ADK: variants seen among roughly 807,000 people sequenced by gnomAD.
ADK encodes the protein N6,N6-dimethyladenosine kinase.
ADK carries 24 observed loss-of-function variants against 44.7 expected under a neutral mutation model. That is an observed-to-expected ratio of 0.54 (90% CI 0.39 to 0.76). The LOEUF (loss-of-function observed/expected upper bound fraction) is 0.76. ADK is among the 30% of genes least tolerant of loss of function. The pLI, the probability that ADK is intolerant of heterozygous loss-of-function variation, is 0.00. For synonymous variants in ADK, 128 were observed against 142.6 expected, an observed-to-expected ratio of 0.90 and a Z score of 0.73; for missense variants, 321 against 425.1, an observed-to-expected ratio of 0.76 and a Z score of 2.15.
chr10:74,374,935 A>T (rs774222702), intron 4 of ADK, among the ~76,000 whole-genome samples: 12 of 151,970 alleles, frequency 7.9e-5, no homozygotes, highest in Non-Finnish European at 1.3e-4. Context: ...CACTCCTCGT[A>T]TGTTGTTTTC....
chr10:74,270,847 C>T (rs932158769), intron 3 of ADK, among the ~76,000 whole-genome samples: 7 of 152,148 alleles, frequency 4.6e-5, no homozygotes, highest in Non-Finnish European at 8.8e-5. Context: ...GCTTAAGGCC[C>T]TTTAAATCCA....
chr10:74,480,315 A>C (rs1251597191), intron 6 of ADK, among the ~76,000 whole-genome samples: 2 of 150,634 alleles, frequency 1.3e-5, no homozygotes, highest in African/African-American at 4.9e-5. Context: ...TACAGCCTTG[A>C]TCTCCTCAGC....
intron 6 of ADK, among the ~76,000 whole-genome samples, chr10:74,521,248 A>G (rs1848821841): frequency 2.0e-5 from 3 of 152,212 alleles, no homozygotes. Flanking sequence ...TCATTCAAAA[A>G]TAGAATTTAA....
At chr10:74,431,465 G>A (rs1453519972) in intron 6 of ADK, among the ~76,000 whole-genome samples, 1 of 152,200 alleles carries the variant, frequency 6.6e-6, no homozygotes, top group Non-Finnish European at 1.5e-5. Flanking sequence ...CTGAGGCCGG[G>A]CATGGTGGCT....
chr10:74,311,447 T>C (rs1840429474), intron 3 of ADK, among the ~76,000 whole-genome samples: 1 of 152,152 alleles, frequency 6.6e-6, no homozygotes, highest in Admixed American at 6.5e-5. Flanking sequence ...AGAACAAGGC[T>C]AAATTTGCCC....
intron 9 of ADK, among the ~76,000 whole-genome samples, chr10:74,640,852 A>G (rs1175821319): frequency 6.6e-6 from 1 of 152,258 alleles, no homozygotes; most frequent in Non-Finnish European, 1.5e-5. Flanking sequence ...TCATATTAAG[A>G]GAATTATTTG....
intron 6 of ADK, among the ~76,000 whole-genome samples, chr10:74,475,969 G>A (rs1162945650): frequency 1.3e-5 from 2 of 152,104 alleles, no homozygotes; most frequent in African/African-American, 4.8e-5. Flanking sequence ...GCTAACTCAT[G>A]TATACATAGA....
intron 6 of ADK, among the ~76,000 whole-genome samples, chr10:74,440,725 C>T (rs1845376534): frequency 6.6e-6 from 1 of 152,040 alleles, no homozygotes; most frequent in South Asian, 2.1e-4. Flanking sequence ...TCAAATGGCC[C>T]TACCAATTCA....
intron 1 of ADK, among the ~76,000 whole-genome samples, chr10:74,198,645 G>A (rs909191079): frequency 2.6e-5 from 4 of 152,168 alleles, no homozygotes; most frequent in Non-Finnish European, 4.4e-5. Context: ...GGATAAACTA[G>A]ATGAATGTCT....
intron 9 of ADK, chr10:74,656,132 G>T: frequency 3.0e-6 from 1 of 338,118 alleles, no homozygotes. Flanking sequence ...ACAAACACTG[G>T]TAAAATGATC....
intron 7 of ADK, among the ~76,000 whole-genome samples, chr10:74,526,459 G>A (rs528783068): frequency 1.3e-5 from 2 of 152,224 alleles, no homozygotes; most frequent in South Asian, 2.1e-4. Context: ...TCACTTGATG[G>A]TTTAATGTAT....
At chr10:74,346,345 C>T (rs1168109404) in intron 4 of ADK, among the ~76,000 whole-genome samples, 2 of 150,658 alleles carry the variant, frequency 1.3e-5, no homozygotes, top group African/African-American at 2.5e-5. Flanking sequence ...CAGGGTTTTA[C>T]ACTTATAGTA....
At chr10:74,174,278 C>T (rs186564040) in intron 1 of ADK, 2 of 138,154 alleles carry the variant, frequency 1.4e-5, no homozygotes, top group Admixed American at 1.5e-4. Context: ...CATGCTACTG[C>T]ACTCCAGCCT....
Position 74,634,211 on chromosome 10 carries a change from AT to A in ADK, c.877+33730del, listed in dbSNP as rs778469705. Among the ~76,000 whole-genome samples the A allele has an allele frequency of 5.6e-3, 826 of 147,384 alleles. 7 individuals are homozygous for A. Among genetic ancestry groups the A allele is most frequent in the African/African-American group, 0.017 (687 of 40,592 alleles). On this transcript the variant is annotated intron_variant, in intron 9 of 10. Transcript: ENST00000539909. ...ACAACAGAGGTCAGCATTTTTATTT[AT>A]TTTTTTTTTTTGAGACGAGTCTCGC...
intron 7 of ADK, among the ~76,000 whole-genome samples, chr10:74,544,033 A>T (rs967535248): frequency 6.6e-6 from 1 of 151,922 alleles, no homozygotes; most frequent in African/African-American, 2.4e-5. Flanking sequence ...CTTATCATCA[A>T]TACTCATTTC....
At position 74,219,349 on chromosome 10, in the gene ADK, A is replaced by G. The variant is rs1437099360; in HGVS notation, c.141-5189A>G. On this transcript the variant is annotated intron_variant, in intron 2 of 10. Transcript: ENST00000539909. ...CTAAATATATATGCACCCAATACAG[A>G]AGCACCCAGATTCATAAAGCAAGTC... Among the ~76,000 whole-genome samples, 5 of 152,034 alleles carry G rather than the reference A, an allele frequency of 3.3e-5. No homozygotes were observed. The South Asian group carries it at 6.2e-4, about 19-fold the overall frequency.
intron 6 of ADK, among the ~76,000 whole-genome samples, chr10:74,431,529 T>C (rs981288204): frequency 1.3e-5 from 2 of 152,076 alleles, no homozygotes; most frequent in African/African-American, 4.8e-5. Flanking sequence ...TCACTTGAGG[T>C]CAGGAGTTTG....
intron 6 of ADK, among the ~76,000 whole-genome samples, chr10:74,492,290 A>C (rs564258291): frequency 6.9e-4 from 105 of 152,292 alleles, no homozygotes; most frequent in African/African-American, 2.2e-3. Flanking sequence ...TTTTATTCTT[A>C]GGTTGAATCC....
In ADK at chr10:74,476,034, G is replaced by A. The variant is rs930876288; in HGVS notation, c.556-49222G>A. Among the ~76,000 whole-genome samples, 9 of 152,172 alleles carry A rather than the reference G, an allele frequency of 5.9e-5. No individual in the cohort carries two copies. The South Asian group carries it at 8.3e-4, about 14-fold the overall frequency. On this transcript the variant is annotated intron_variant, in intron 6 of 10. Transcript: ENST00000539909. ...GTGTGTTTATAATATATATAAAATC[G>A]TGAGTTTATAATGGTATCTCTTACT...
Sources: allele counts gnomAD v4.1 joint callset (sites outside exome capture counted in the v4.1 genomes callset), GRCh38; gene constraint gnomAD v4.1.1; transcripts MANE v1.5; gene names NCBI Gene and HGNC (gene_info 2026-07-23, HGNC 2026-07-21).